Variants in KCNH1 observed in about 807,000 individuals in gnomAD.
KCNH1 encodes the protein voltage-gated delayed rectifier potassium channel KCNH1.
Under a neutral mutation model 69.2 loss-of-function variants are expected in KCNH1, and 27 were observed. That is an observed-to-expected ratio of 0.39 (90% CI 0.29 to 0.54). The LOEUF (loss-of-function observed/expected upper bound fraction) is 0.54. KCNH1 is among the 20% of genes least tolerant of loss of function. KCNH1 has a pLI of 0.68. For missense variants in KCNH1, 798 were observed against 1,261.6 expected (o/e 0.63, Z 5.57); for synonymous variants, 456 against 487.7 (o/e 0.93, Z 0.86).
At chr1:210,888,911 A>C (rs924384799) in intron 7 of KCNH1, among the ~76,000 whole-genome samples, 1 of 152,344 alleles carries the variant, frequency 6.6e-6, no homozygotes, top group Non-Finnish European at 1.5e-5. Context: ...GCAGTAATTA[A>C]CAGCCTAACA....
At chr1:210,712,008 C>T (rs74156037) in intron 10 of KCNH1, among the ~76,000 whole-genome samples, 4 of 152,146 alleles carry the variant, frequency 2.6e-5, no homozygotes, top group Admixed American at 6.5e-5. Context: ...AGGGCCACAT[C>T]GGCCACCAGG....
chr1:210,712,141 A>G (rs1379043881), intron 10 of KCNH1, among the ~76,000 whole-genome samples: 1 of 152,188 alleles, frequency 6.6e-6, no homozygotes, highest in East Asian at 1.9e-4. Context: ...AAGTGGCCAG[A>G]AAAAAAGCCC....
intron 7 of KCNH1, among the ~76,000 whole-genome samples, chr1:210,820,279 T>C (rs1684901866): frequency 1.3e-5 from 2 of 152,196 alleles, no homozygotes; most frequent in African/African-American, 4.8e-5. Flanking sequence ...TACCCAAAGA[T>C]GTCCACATCC....
At position 210,884,458 on chromosome 1, in the gene KCNH1, G is replaced by T. The variant is rs533327712; in HGVS notation, c.1462+35182C>A. 1.3e-3 allele frequency among the ~76,000 whole-genome samples: 196 copies of T among 152,300 alleles called. 1 individual carries two copies. Among genetic ancestry groups the T allele is most frequent in the African/African-American group, 4.5e-3 (189 of 41,560 alleles). On this transcript the variant is annotated intron_variant, in intron 7 of 10. Coordinates refer to ENST00000271751, the MANE Select transcript of KCNH1 (RefSeq NM_172362.3). ...TTCTTTTCAGCTCTATTTTATAGAG[G>T]AAGATCCCAAAGTTCAGAGAGCTTA...
chr1:210,779,119 A>T (rs1683923094), intron 9 of KCNH1, among the ~76,000 whole-genome samples: 1 of 152,230 alleles, frequency 6.6e-6, no homozygotes, highest in Non-Finnish European at 1.5e-5. Flanking sequence ...GTTTTGACAG[A>T]AAAAATAAAT....
intron 10 of KCNH1, among the ~76,000 whole-genome samples, chr1:210,726,898 G>A (rs1349002268): frequency 6.6e-6 from 1 of 152,138 alleles, no homozygotes; most frequent in Non-Finnish European, 1.5e-5. Flanking sequence ...TCAATAGAGA[G>A]GGGTGGGTAT....
At chr1:210,726,805 C>A (rs995056292) in intron 10 of KCNH1, among the ~76,000 whole-genome samples, 37 of 147,162 alleles carry the variant, frequency 2.5e-4, no homozygotes, top group African/African-American at 8.2e-4. Flanking sequence ...TGGACAGTTC[C>A]CCGGCGGGGG....
intron 5 of KCNH1, among the ~76,000 whole-genome samples, chr1:211,059,413 T>C (rs1005822493): frequency 2.6e-5 from 4 of 152,056 alleles, no homozygotes; most frequent in Admixed American, 6.5e-5. Flanking sequence ...TGCACCCATA[T>C]ATGTAAAGCA....
chr1:211,026,376 C>CAAA (rs34132386), intron 5 of KCNH1, among the ~76,000 whole-genome samples: 92 of 72,560 alleles, frequency 1.3e-3, no homozygotes, highest in Middle Eastern at 9.3e-3. Context: ...GGAGTATAGA[C>CAAA]AAAAAAAAAA....
chr1:210,696,413 C>A (rs12097849), intron 10 of KCNH1, among the ~76,000 whole-genome samples: 1,966 of 152,276 alleles, frequency 0.013, 31 homozygotes, highest in African/African-American at 0.045. Context: ...TCAACTCCAA[C>A]TCCATGATTT....
chr1:210,725,792 T>C (rs1345414888), intron 10 of KCNH1, among the ~76,000 whole-genome samples: 2 of 152,122 alleles, frequency 1.3e-5, no homozygotes, highest in African/African-American at 4.8e-5. Context: ...CCCTTACATA[T>C]CCATATATTT....
At chr1:210,799,418 TCAG>T (rs1415532142) in intron 8 of KCNH1, among the ~76,000 whole-genome samples, 1 of 152,150 alleles carries the variant, frequency 6.6e-6, no homozygotes, top group Non-Finnish European at 1.5e-5. Context: ...TATCAACATC[TCAG>T]CAGCATCTTG....
chr1:210,784,150 G>C (rs1252107609), intron 9 of KCNH1, among the ~76,000 whole-genome samples: 1 of 152,212 alleles, frequency 6.6e-6, no homozygotes, highest in African/African-American at 2.4e-5. Flanking sequence ...CCCATTCTGT[G>C]CCTCACCCCA....
intron 7 of KCNH1, among the ~76,000 whole-genome samples, chr1:210,848,047 T>C (rs544873320): frequency 6.6e-6 from 1 of 152,252 alleles, no homozygotes; most frequent in South Asian, 2.1e-4. Context: ...ATAATGTCCA[T>C]CTATGTGGTG....
chr1:211,044,785 C>G (rs1435108060), intron 5 of KCNH1, among the ~76,000 whole-genome samples: 3 of 151,820 alleles, frequency 2.0e-5, no homozygotes, highest in African/African-American at 7.3e-5. Flanking sequence ...GAAAAGGAAA[C>G]ACTTCTACAC....
intron 7 of KCNH1, chr1:210,861,354 A>G: frequency 1.3e-6 from 1 of 783,432 alleles, no homozygotes. Flanking sequence ...TTGTACTGTT[A>G]TAACACTTTC....
intron 10 of KCNH1, among the ~76,000 whole-genome samples, chr1:210,728,419 A>T (rs965920395): frequency 4.6e-5 from 7 of 152,250 alleles, no homozygotes; most frequent in African/African-American, 1.4e-4. Context: ...GATAAAAAGG[A>T]TGGAGTAATG....
rs139384545 is a variant in KCNH1, at chr1:211,130,260, C to A, written c.79+3607G>T. On this transcript the variant is annotated intron_variant, in intron 1 of 10. Coordinates refer to ENST00000271751, the MANE Select transcript of KCNH1 (RefSeq NM_172362.3). ...TATGGAGTATTAATTATTTCTGCTG[C>A]CTACTTACGGCAATTTAAAGAACAG... Among the ~76,000 whole-genome samples the A allele has an allele frequency of 4.9e-4, 75 of 152,304 alleles. No individual in the cohort carries two copies. In the East Asian group the frequency reaches 0.014, roughly 28 times the overall value.
intron 7 of KCNH1, among the ~76,000 whole-genome samples, chr1:210,908,332 T>G (rs1001749759): frequency 6.6e-6 from 1 of 152,238 alleles, no homozygotes; most frequent in African/African-American, 2.4e-5. Context: ...GAAAGGCTTT[T>G]GCTCAGAAAT....
Sources: gnomAD v4.1 joint callset for allele counts (sites outside exome capture counted in the v4.1 genomes callset) on GRCh38, gnomAD v4.1.1 for gene constraint, MANE v1.5 for transcripts, NCBI Gene and HGNC (gene_info 2026-07-23, HGNC 2026-07-21) for gene names.